The following GALNT3 variants were observed in gnomAD, a reference collection of about 807,000 sequenced individuals.
GALNT3 encodes GalNAc transferase 3.
GALNT3 carries 51 observed loss-of-function variants against 69.8 expected under a neutral mutation model. The observed-to-expected ratio is 0.73, with a 90% CI of 0.58 to 0.92. The LOEUF is 0.92. Ranked by LOEUF, GALNT3 falls within the 40% of genes least tolerant of loss-of-function variation. GALNT3 has a pLI of 0.00. For synonymous variants in GALNT3, 265 were observed against 248.5 expected (o/e 1.07, Z -0.63); for missense variants, 711 against 760.0 (o/e 0.94, Z 0.76).
chr2:165,754,392 C>CTTTTTTTTTT, intron 9 of GALNT3, among the ~76,000 whole-genome samples: 1 of 61,152 alleles, frequency 1.6e-5, no homozygotes, highest in Non-Finnish European at 3.1e-5. Context: ...GCTCGGCCTC[C>CTTTTTTTTTT]TTTTTTTTTT....
At chr2:165,750,071 C>A (rs1688332398) in intron 9 of GALNT3, among the ~76,000 whole-genome samples, 177 bp from the exon 10 acceptor site, 1 of 152,086 alleles carries the variant, frequency 6.6e-6, no homozygotes, top group Admixed American at 6.6e-5. Context: ...ATACAATAGC[C>A]TTCCTTCATC....
At chr2:165,760,249 C>A (rs1688521508) in intron 4 of GALNT3, among the ~76,000 whole-genome samples, 2 of 152,076 alleles carry the variant, frequency 1.3e-5, no homozygotes, top group Non-Finnish European at 2.9e-5. Context: ...CTGACTGGGT[C>A]TTAGGAGAAA....
chr2:165,771,853 G>C (rs1159154345), intron 1 of GALNT3, among the ~76,000 whole-genome samples: 1 of 152,052 alleles, frequency 6.6e-6, no homozygotes, highest in African/African-American at 2.4e-5. Context: ...AGAAAACCAG[G>C]TTCTAAGATG....
intron 6 of GALNT3, among the ~76,000 whole-genome samples, chr2:165,757,452 C>T (rs1481197633): frequency 6.6e-6 from 1 of 152,156 alleles, no homozygotes; most frequent in Non-Finnish European, 1.5e-5. Context: ...CTAAAGACAA[C>T]AGAAGTGCAT....
intron 10 of GALNT3, 115 bp from the exon 11 acceptor site, chr2:165,749,018 T>A (rs1688308660): frequency 6.3e-6 from 7 of 1,109,014 alleles, no homozygotes; most frequent in South Asian, 4.1e-5. Context: ...CTTTCTAAGG[T>A]GAGCCATGTC....
intron 9 of GALNT3, 100 bp downstream of exon 9, chr2:165,754,527 C>A: frequency 2.4e-6 from 2 of 840,130 alleles, no homozygotes; most frequent in Non-Finnish European, 4.0e-6. Context: ...ACACAGCTTA[C>A]CCAAGTATAA....
At position 165,748,325 on chromosome 2, in the gene GALNT3, G is replaced by A. The variant is rs1688296196; in HGVS notation, c.*456C>T. The A allele has an allele frequency of 4.5e-6, 1 of 219,786 alleles. No individual in the cohort carries two copies. The highest frequency in any genetic ancestry group is 2.2e-5 in the African/African-American group (1 of 44,530). The allele number at this position is 219,786 out of a possible 1,614,324, so 13.6% of individuals were successfully genotyped here. A position where few individuals can be genotyped will look rare whatever the true frequency, so the allele number is the denominator to read the frequency against. ...AAATTCTGGATCTGTAAAAGCTCTT[G>A]GTTTGTACACAGAGGCCAATGCTGA... On this transcript the variant is annotated 3_prime_UTR_variant, in exon 11 of 11. Coordinates refer to ENST00000392701, the MANE Select transcript of GALNT3 (RefSeq NM_004482.4).
chr2:165,759,630 A>T, intron 4 of GALNT3, 60 bp from the exon 5 acceptor site: 1 of 1,239,244 alleles, frequency 8.1e-7, no homozygotes, highest in Non-Finnish European at 1.2e-6. Context: ...TTCTTTAGTT[A>T]TTTAGGTGAA....
chr2:165,766,257 T>G (rs959689644), intron 2 of GALNT3, among the ~76,000 whole-genome samples: 4 of 152,232 alleles, frequency 2.6e-5, no homozygotes, highest in Non-Finnish European at 4.4e-5. Flanking sequence ...AAATCCATGT[T>G]AAAAGTCCTG....
intron 1 of GALNT3, among the ~76,000 whole-genome samples, chr2:165,784,228 T>C (rs1683174552): frequency 6.6e-6 from 1 of 152,200 alleles, no homozygotes; most frequent in Non-Finnish European, 1.5e-5. Flanking sequence ...CAGTGGGATT[T>C]ATATTTAATT....
intron 2 of GALNT3, among the ~76,000 whole-genome samples, chr2:165,768,268 C>T (rs1422575141): frequency 6.6e-6 from 1 of 152,022 alleles, no homozygotes; most frequent in Non-Finnish European, 1.5e-5. Flanking sequence ...ACTTACTTAG[C>T]GATTAACATT....
chr2:165,790,338 T>C (rs191513547), intron 1 of GALNT3, among the ~76,000 whole-genome samples: 2 of 152,326 alleles, frequency 1.3e-5, no homozygotes, highest in Non-Finnish European at 2.9e-5. Context: ...TAAGTGAATG[T>C]ACTTTTGTCT....
chr2:165,771,584 A>G (rs1465702351), intron 1 of GALNT3: 1 of 152,198 alleles, frequency 6.6e-6, no homozygotes, highest in Non-Finnish European at 1.5e-5. Flanking sequence ...GACCCTAAGA[A>G]CAGGACAGCA....
intron 3 of GALNT3, 59 bp downstream of exon 3, chr2:165,764,825 G>T: frequency 6.4e-7 from 1 of 1,550,976 alleles, no homozygotes; most frequent in Non-Finnish European, 8.9e-7. Flanking sequence ...TAACCAAGTA[G>T]ACTGTAGATA....
intron 9 of GALNT3, among the ~76,000 whole-genome samples, chr2:165,752,657 A>G (rs942401600): frequency 9.9e-5 from 15 of 152,222 alleles, no homozygotes; most frequent in Admixed American, 9.8e-4. Context: ...AGCAATGTGT[A>G]CAATATATCT....
intron 1 of GALNT3, among the ~76,000 whole-genome samples, chr2:165,773,886 T>C (rs528028619): frequency 4.6e-5 from 7 of 152,240 alleles, no homozygotes; most frequent in South Asian, 2.1e-4. Context: ...TCTTGAGAGA[T>C]GTTAAATGTG....
rs1368243874 is a variant in GALNT3 at position 165,756,994 on chromosome 2, G to A, written c.1392+53C>T. 5.1e-6 allele frequency: 7 copies of A among 1,376,982 alleles called. No individual in the cohort carries two copies. In the Admixed American group the frequency reaches 5.3e-5, roughly 10 times the overall value. 85.3% of individuals were successfully genotyped at this position (1,376,982 alleles called of 1,614,324 possible). Reference sequence around the variant, plus strand: ...TTGAGATGAATCGACGCAAAAGGACGTGTGAACTTGTTATAGATTTTATTG... The same window carrying A: ...TTGAGATGAATCGACGCAAAAGGACATGTGAACTTGTTATAGATTTTATTG... On this transcript the variant is annotated intron_variant, in intron 7 of 10. Transcript: ENST00000392701.
At position 165,748,036 on chromosome 2, in the gene GALNT3, C is replaced by G. The variant is rs530688611; in HGVS notation, c.*745G>C. 5.6e-6 allele frequency: 1 copy of G among 179,158 alleles called. No homozygotes were observed. The highest frequency in any genetic ancestry group is 2.4e-5 in the African/African-American group (1 of 42,410). The allele number at this position is 179,158 out of a possible 1,614,324, so 11.1% of individuals were successfully genotyped here. ...AATACTAGAAGAAAGGAAAAGGACA[C>G]CTTTTCAACAGATAGTAATTTATAA... On this transcript the variant is annotated 3_prime_UTR_variant, in exon 11 of 11. Transcript: ENST00000392701.
At chr2:165,764,853 G>T in intron 3 of GALNT3, 31 bp downstream of exon 3, 2 of 1,611,188 alleles carry the variant, frequency 1.2e-6, no homozygotes, top group Middle Eastern at 1.7e-4. Context: ...ATGGATTTGG[G>T]AAACAATCTA....
Sources: allele counts gnomAD v4.1 joint callset (sites outside exome capture counted in the v4.1 genomes callset), GRCh38; gene constraint gnomAD v4.1.1; transcripts MANE v1.5; gene names NCBI Gene and HGNC (gene_info 2026-07-23, HGNC 2026-07-21).